TAFA5: variants seen among roughly 807,000 people sequenced by gnomAD.
TAFA5 encodes TAFA chemokine like family member 5, also known as chemokine-like protein TAFA-5.
Under a neutral mutation model 15.3 loss-of-function variants are expected in TAFA5, and 6 were observed. The observed-to-expected ratio is 0.39, with a 90% confidence interval of 0.21 to 0.77. The LOEUF is 0.77. Among genes scored for constraint, TAFA5 ranks in the 30% least tolerant of loss-of-function variants. The pLI is 0.41. For missense variants in TAFA5, 161 were observed against 193.1 expected, an observed-to-expected ratio of 0.83 and a Z score of 0.98; for synonymous variants, 103 against 80.7, an observed-to-expected ratio of 1.28 and a Z score of -1.48.
chr22:48,659,625 A>G (rs1284219020), intron 2 of TAFA5, among the ~76,000 whole-genome samples: 5 of 151,564 alleles, frequency 3.3e-5, no homozygotes, highest in South Asian at 2.1e-4. Flanking sequence ...CCCTGTCATC[A>G]CCCACTTGTT....
At chr22:48,736,001 A>G (rs1389987760) in intron 3 of TAFA5, among the ~76,000 whole-genome samples, 7 of 47,162 alleles carry the variant, frequency 1.5e-4, no homozygotes, top group Admixed American at 2.8e-4. Flanking sequence ...TGGAGTCCAG[A>G]GTCCATCCCC....
At chr22:48,689,091 G>T (rs2147236513) in intron 2 of TAFA5, among the ~76,000 whole-genome samples, 1 of 152,098 alleles carries the variant, frequency 6.6e-6, no homozygotes, top group South Asian at 2.1e-4. Context: ...TCCTTGGTGT[G>T]GGTCCCTCCA....
At chr22:48,594,905 G>T (rs1285328755) in intron 1 of TAFA5, among the ~76,000 whole-genome samples, 1 of 150,636 alleles carries the variant, frequency 6.6e-6, no homozygotes, top group East Asian at 1.9e-4. Context: ...GGTGCTCAGA[G>T]TAGCCCTTGG....
intron 1 of TAFA5, among the ~76,000 whole-genome samples, chr22:48,513,594 G>A (rs1407067467): frequency 6.6e-6 from 1 of 152,336 alleles, no homozygotes; most frequent in East Asian, 1.9e-4. Context: ...CCAGTGCTCT[G>A]AGCGAGACAT....
chr22:48,632,882 T>C (rs934669895), intron 1 of TAFA5, among the ~76,000 whole-genome samples: 9 of 152,090 alleles, frequency 5.9e-5, no homozygotes, highest in East Asian at 1.9e-4. Context: ...GCAGAGTTGG[T>C]GGCAGGCATA....
At position 48,550,744 on chromosome 22, in the gene TAFA5, C is replaced by A. The variant is rs1378967028; in HGVS notation, c.112+61040C>A. On this transcript the variant is annotated intron_variant, in intron 1 of 3. Coordinates refer to ENST00000402357, the MANE Select transcript of TAFA5 (RefSeq NM_001082967.3). This position sits in a 1 kb window ranked among gnomAD's most constrained non-coding sequence, Gnocchi z 4.1. ...GGACAAGGTACATCCTGATCCAGGG[C>A]CCCCTACTCTGATCCACGGGTGTCT... 6.6e-6 allele frequency among the ~76,000 whole-genome samples: 1 copy of A among 152,064 alleles called. No homozygotes were observed. Among genetic ancestry groups the A allele is most frequent in the African/African-American group, 2.4e-5 (1 of 41,406 alleles).
intron 1 of TAFA5, among the ~76,000 whole-genome samples, chr22:48,620,824 ACACC>A (rs1296638867): frequency 2.1e-4 from 1 of 4,672 alleles, no homozygotes; most frequent in Non-Finnish European, 3.4e-4. Flanking sequence ...CCCTATCTAT[ACACC>A]CACCCACCCA....
chr22:48,557,072 G>A (rs1216704867), intron 1 of TAFA5, among the ~76,000 whole-genome samples: 8 of 152,208 alleles, frequency 5.3e-5, no homozygotes, highest in Non-Finnish European at 1.2e-4. Flanking sequence ...CGGGGAGTGC[G>A]CCCAGGTCTG....
intron 1 of TAFA5, among the ~76,000 whole-genome samples, chr22:48,516,890 G>A (rs1231918593): frequency 2.0e-5 from 3 of 152,214 alleles, no homozygotes; most frequent in African/African-American, 7.2e-5. Flanking sequence ...CCCCATCCAG[G>A]TCCTGCTCTC....
intron 3 of TAFA5, among the ~76,000 whole-genome samples, chr22:48,712,958 A>G (rs1419411017): frequency 6.6e-6 from 1 of 152,240 alleles, no homozygotes; most frequent in African/African-American, 2.4e-5. Flanking sequence ...TGGGGCTGCA[A>G]ACCACACATG....
At chr22:48,649,743 C>T (rs1239768183) in intron 2 of TAFA5, among the ~76,000 whole-genome samples, 1 of 152,096 alleles carries the variant, frequency 6.6e-6, no homozygotes, top group Non-Finnish European at 1.5e-5. Context: ...GGCGCCTTCT[C>T]GGGGACACTG....
chr22:48,720,703 A>G (rs1218667932), intron 3 of TAFA5, among the ~76,000 whole-genome samples: 2 of 152,106 alleles, frequency 1.3e-5, no homozygotes, highest in African/African-American at 2.4e-5. Context: ...TTATGTTCAC[A>G]ATGGAAATGC....
At chr22:48,723,215 C>A (rs1430364983) in intron 3 of TAFA5, among the ~76,000 whole-genome samples, 1 of 152,220 alleles carries the variant, frequency 6.6e-6, no homozygotes, top group African/African-American at 2.4e-5. Flanking sequence ...CTGCCAGCCA[C>A]CCCCTTCCAA....
intron 1 of TAFA5, among the ~76,000 whole-genome samples, chr22:48,585,848 A>C (rs986053831): frequency 1.3e-5 from 2 of 152,048 alleles, no homozygotes; most frequent in African/African-American, 2.4e-5. Context: ...AACACATGCC[A>C]AGACACACAC....
At chr22:48,691,024 G>A (rs73435879) in intron 2 of TAFA5, among the ~76,000 whole-genome samples, 2 of 151,972 alleles carry the variant, frequency 1.3e-5, no homozygotes, top group African/African-American at 2.4e-5. Flanking sequence ...CCTCCTGAGC[G>A]CCGTCAATCT....
intron 1 of TAFA5, among the ~76,000 whole-genome samples, chr22:48,556,763 C>A (rs1036398277): frequency 7.2e-5 from 11 of 151,934 alleles, no homozygotes; most frequent in Admixed American, 6.5e-4. Flanking sequence ...CTCAGGGACA[C>A]CCCCCTAGGC....
chr22:48,643,261 G>A (rs974338009), intron 1 of TAFA5, among the ~76,000 whole-genome samples: 1 of 152,082 alleles, frequency 6.6e-6, no homozygotes, highest in South Asian at 2.1e-4. Context: ...GTGGCGATCT[G>A]TTACGCAGGA....
chr22:48,534,147 TCAGGCAGGTGAGGGGGGC>T (rs1436823215), intron 1 of TAFA5, among the ~76,000 whole-genome samples: 5 of 141,320 alleles, frequency 3.5e-5, no homozygotes, highest in African/African-American at 8.1e-5. Flanking sequence ...GTGAGGGAGG[TCAGGCAGGTGAGGGGGGC>T]CAGGCAGGTG....
At chr22:48,624,375 G>A (rs2147184693) in intron 1 of TAFA5, among the ~76,000 whole-genome samples, 1 of 152,250 alleles carries the variant, frequency 6.6e-6, no homozygotes, top group South Asian at 2.1e-4. Context: ...GTGCTCCTTG[G>A]AAGAGCATCC....
Sources: allele counts gnomAD v4.1 joint callset (sites outside exome capture counted in the v4.1 genomes callset), GRCh38; gene constraint gnomAD v4.1.1; non-coding constraint Gnocchi (gnomAD v3.1); transcripts MANE v1.5; gene names NCBI Gene and HGNC (gene_info 2026-07-23, HGNC 2026-07-21).